Variants in JPH3 observed in about 807,000 individuals in gnomAD.
JPH3 encodes junctophilin 3.
Under a neutral mutation model 59.6 loss-of-function variants are expected in JPH3, and 11 were observed. That is an observed-to-expected ratio of 0.18 (90% CI 0.12 to 0.31). The LOEUF (loss-of-function observed/expected upper bound fraction) is 0.31. Among genes scored for constraint, JPH3 ranks in the 10% least tolerant of loss-of-function variants. JPH3 has a pLI of 1.00. For synonymous variants in JPH3, 673 were observed against 483.6 expected, an observed-to-expected ratio of 1.39 and a Z score of -5.14; for missense variants, 1,202 against 1,105.7, an observed-to-expected ratio of 1.09 and a Z score of -1.24.
At position 87,684,495 on chromosome 16, in the gene JPH3, C is replaced by T. The variant is rs1281133521; in HGVS notation, c.1285+229C>T. 6 of 602,568 alleles carry T rather than the reference C, an allele frequency of 1.0e-5. No homozygotes were observed. In the East Asian group the frequency reaches 1.8e-4, roughly 19 times the overall value. The allele number at this position is 602,568 out of a possible 1,614,324, so 37.3% of individuals were successfully genotyped here. A position where few individuals can be genotyped will look rare whatever the true frequency, so the allele number is the denominator to read the frequency against. ...GTGTCTTGGCAGGTCTCTCCCATTC[C>T]CACAGTCCTTGGGGCACCGCGTGTT... On this transcript the variant is annotated intron_variant, in intron 3 of 4. Transcript: ENST00000284262.
At chr16:87,656,879 C>T (rs1463603891) in intron 2 of JPH3, among the ~76,000 whole-genome samples, 1 of 152,152 alleles carries the variant, frequency 6.6e-6, no homozygotes, top group Non-Finnish European at 1.5e-5. Context: ...GGTGTTCCGA[C>T]AGGGGATCAC....
chr16:87,637,155 C>T (rs1224988688), intron 1 of JPH3, among the ~76,000 whole-genome samples: 2 of 152,208 alleles, frequency 1.3e-5, no homozygotes, highest in Admixed American at 6.5e-5. Context: ...GCTGTGCTTC[C>T]GCCCCCTGCT....
At chr16:87,632,641 C>T (rs1485836659) in intron 1 of JPH3, among the ~76,000 whole-genome samples, 1 of 152,156 alleles carries the variant, frequency 6.6e-6, no homozygotes, top group Non-Finnish European at 1.5e-5. Context: ...GCCTCTAATC[C>T]CAGCACTTTG....
intron 1 of JPH3, among the ~76,000 whole-genome samples, chr16:87,613,365 C>G (rs1417362924): frequency 6.6e-6 from 1 of 151,806 alleles, no homozygotes; most frequent in African/African-American, 2.4e-5. Context: ...TCCCAAAGTG[C>G]TGGAATTACA....
At chr16:87,654,412 A>T (rs1206608451) in intron 2 of JPH3, 1 of 152,286 alleles carries the variant, frequency 6.6e-6, no homozygotes, top group Non-Finnish European at 1.5e-5. Context: ...CCTTCTCAGC[A>T]TTCAGCAGGC....
intron 2 of JPH3, among the ~76,000 whole-genome samples, chr16:87,673,345 C>T (rs573534033): frequency 7.0e-4 from 106 of 151,888 alleles, no homozygotes; most frequent in African/African-American, 2.5e-3. Context: ...TACTGAATTA[C>T]AGAAGATGCG....
intron 4 of JPH3, among the ~76,000 whole-genome samples, chr16:87,691,656 G>A (rs1420921830): frequency 6.6e-6 from 1 of 152,170 alleles, no homozygotes; most frequent in African/African-American, 2.4e-5. Flanking sequence ...GGCACGTCCT[G>A]CCGGGCGGCA....
chr16:87,644,736 C>G lies in JPH3; in HGVS notation c.861C>G (p.Thr287=), dbSNP rs1221959201. ...ACATCGACGCCACCACCACCGAGAC[C>G]TACGTGGGCGAGTGGAAGAACGACA... ...EDDIDATTTE[T]YVGEWKNDKR... is the part of the protein sequence containing the mutation. Residue 287 remains threonine, a synonymous_variant, in exon 2 of 5, where the codon ACC becomes ACG. Coordinates refer to ENST00000284262, the MANE Select transcript of JPH3 (RefSeq NM_020655.4). 1.9e-6 allele frequency: 3 copies of G among 1,613,122 alleles called. No individual in the cohort carries two copies. Among genetic ancestry groups the G allele is most frequent in the Non-Finnish European group, 1.7e-6 (2 of 1,179,932 alleles).
At chr16:87,677,351 G>C (rs375660422) in intron 2 of JPH3, among the ~76,000 whole-genome samples, 4 of 149,280 alleles carry the variant, frequency 2.7e-5, no homozygotes, top group African/African-American at 7.7e-5. Context: ...CCACTGTACT[G>C]CAGCCTGGGT....
chr16:87,688,909 C>T (rs560745233), intron 3 of JPH3, among the ~76,000 whole-genome samples: 16 of 152,286 alleles, frequency 1.1e-4, no homozygotes, highest in African/African-American at 3.4e-4. Flanking sequence ...GCTGGGGGCT[C>T]ACGGAGCTCC....
At chr16:87,627,114 G>T (rs2031406327) in intron 1 of JPH3, among the ~76,000 whole-genome samples, 1 of 152,270 alleles carries the variant, frequency 6.6e-6, no homozygotes, top group Admixed American at 6.5e-5. Flanking sequence ...GGGCCGGGGG[G>T]CGAGGCCAGT....
At chr16:87,681,835 G>A (rs1257775647) in intron 2 of JPH3, among the ~76,000 whole-genome samples, 7 of 152,198 alleles carry the variant, frequency 4.6e-5, no homozygotes, top group African/African-American at 1.4e-4. Context: ...TGATTTTCGG[G>A]CAGGTGCTGG....
intron 2 of JPH3, among the ~76,000 whole-genome samples, chr16:87,682,878 C>A (rs2033329325): frequency 6.6e-6 from 1 of 152,236 alleles, no homozygotes; most frequent in African/African-American, 2.4e-5. Context: ...GAAATGCAAG[C>A]CCCAGGCTGC....
At chr16:87,649,936 C>A (rs943629035) in intron 2 of JPH3, among the ~76,000 whole-genome samples, 2 of 152,228 alleles carry the variant, frequency 1.3e-5, no homozygotes, top group Non-Finnish European at 2.9e-5. Flanking sequence ...GGGACCCCCT[C>A]TCTGCTGCGT....
At chr16:87,625,601 G>T (rs888209469) in intron 1 of JPH3, among the ~76,000 whole-genome samples, 1 of 152,172 alleles carries the variant, frequency 6.6e-6, no homozygotes, top group African/African-American at 2.4e-5. Context: ...CCCACCTGTT[G>T]CCCTATGTCT....
At chr16:87,616,188 TTTTGTGTGTGTG>T (rs1334465009) in intron 1 of JPH3, among the ~76,000 whole-genome samples, 4 of 107,626 alleles carry the variant, frequency 3.7e-5, no homozygotes, top group Non-Finnish European at 7.5e-5. Context: ...CGCAATCTGG[TTTTGTGTGTGTG>T]TGTGTGTGTG....
intron 1 of JPH3, among the ~76,000 whole-genome samples, chr16:87,631,025 G>C (rs112030488): frequency 5.6e-4 from 85 of 152,186 alleles, no homozygotes; most frequent in African/African-American, 1.6e-3. Context: ...CTTTTTTTCA[G>C]TTGCAATTTT....
At chr16:87,632,630 C>T (rs553515929) in intron 1 of JPH3, among the ~76,000 whole-genome samples, 5 of 152,272 alleles carry the variant, frequency 3.3e-5, no homozygotes, top group East Asian at 1.9e-4. Flanking sequence ...CAGCGACTCA[C>T]GCCTCTAATC....
In JPH3 at chr16:87,690,430, G is replaced by T; in HGVS notation, c.2070G>T (p.Leu690Phe). Residue 690 changes from leucine (L) to phenylalanine (F), a missense_variant, in exon 4 of 5, where the codon TTG becomes TTT. By Grantham distance (22) the Leu-to-Phe change is conservative. Transcript: ENST00000284262. ...GGCTGGGCGGGGCCGAGCCCCGGTTGCTGCGTTGGGACTTGACCTTCTCCC... is the reference window on the plus strand; with the variant it reads ...GGCTGGGCGGGGCCGAGCCCCGGTTTCTGCGTTGGGACTTGACCTTCTCCC... ...SLRLGGAEPR[L>F]LRWDLTFSPP... 1 of 1,497,924 alleles carries T rather than the reference G, an allele frequency of 6.7e-7. No homozygotes were observed. Among genetic ancestry groups the T allele is most frequent in the Admixed American group, 2.4e-5 (1 of 41,494 alleles). The allele number at this position is 1,497,924 out of a possible 1,614,324, so 92.8% of individuals were successfully genotyped here. A position where few individuals can be genotyped will look rare whatever the true frequency, so the allele number is the denominator to read the frequency against.
Sources: gnomAD v4.1 joint callset for allele counts (sites outside exome capture counted in the v4.1 genomes callset) on GRCh38, gnomAD v4.1.1 for gene constraint, MANE v1.5 for transcripts, NCBI Gene and HGNC (gene_info 2026-07-23, HGNC 2026-07-21) for gene names.